Variants in IFFO2 observed in about 807,000 individuals in gnomAD.
IFFO2 encodes the protein intermediate filament family orphan 2.
In IFFO2, 19 loss-of-function variants were observed where a neutral mutation model predicts 53.5. The ratio of observed to expected loss-of-function variants is 0.36; its 90% CI spans 0.25 to 0.52. The LOEUF is 0.52. Ranked by LOEUF, IFFO2 falls within the 20% of genes least tolerant of loss-of-function variation. IFFO2 has a pLI of 0.94. For synonymous variants in IFFO2, 303 were observed against 313.6 expected (o/e 0.97, Z 0.36); for missense variants, 570 against 727.4 (o/e 0.78, Z 2.49).
At chr1:18,938,440 G>A (rs1020996408) in intron 1 of IFFO2, among the ~76,000 whole-genome samples, 1 of 152,186 alleles carries the variant, frequency 6.6e-6, no homozygotes, top group Non-Finnish European at 1.5e-5. Flanking sequence ...TCTGTCTCTG[G>A]GTTCCCTCTC....
chr1:18,914,169 T>C (rs1936096601), intron 5 of IFFO2, among the ~76,000 whole-genome samples: 2 of 152,212 alleles, frequency 1.3e-5, no homozygotes, highest in South Asian at 4.1e-4. Context: ...ACCAGCTAAA[T>C]CGAATTCCAT....
At position 18,917,131 on chromosome 1, in the gene IFFO2, C is replaced by T; in HGVS notation, c.964-89G>A. The T allele has an allele frequency of 1.4e-6, 2 of 1,423,716 alleles. No individual in the cohort carries two copies. Among genetic ancestry groups the T allele is most frequent in the Non-Finnish European group, 9.5e-7 (1 of 1,049,896 alleles). 88.2% of individuals were successfully genotyped at this position (1,423,716 alleles called of 1,614,324 possible). A position where few individuals can be genotyped will look rare whatever the true frequency, so the allele number is the denominator to read the frequency against. Reference sequence around the variant, plus strand: ...AACTGGGAAGGGAGCCGGCATCTCACAGGATGATGAGCGTGACTGGGGCCG... The same window carrying T: ...AACTGGGAAGGGAGCCGGCATCTCATAGGATGATGAGCGTGACTGGGGCCG... On this transcript the variant is annotated intron_variant, in intron 4 of 8. Transcript: ENST00000455833. The surrounding 1 kb of genome is among the most constrained non-coding windows in gnomAD (Gnocchi z 5.9).
chr1:18,913,823 GTT>G (rs10708996), intron 5 of IFFO2, among the ~76,000 whole-genome samples: 1 of 151,026 alleles, frequency 6.6e-6, no homozygotes, highest in African/African-American at 2.5e-5. Context: ...TGTTGTTGTT[GTT>G]TTTTTGTTTG....
rs1021310325 is a variant in IFFO2, at chr1:18,947,384, C to T, written c.665+8284G>A. 1.6e-4 allele frequency among the ~76,000 whole-genome samples: 25 copies of T among 152,294 alleles called. No individual in the cohort carries two copies. Among genetic ancestry groups the T allele is most frequent in the African/African-American group, 5.8e-4 (24 of 41,560 alleles). ...AGATAAATGGAGCATTAATTGAGAG[C>T]CTGAGATCCACAGCCTGCCCCAGCT... is the stretch of plus-strand genomic sequence containing the variant. On this transcript the variant is annotated intron_variant, in intron 1 of 8. Transcript: ENST00000455833. This position sits in a 1 kb window ranked among gnomAD's most constrained non-coding sequence, Gnocchi z 5.0.
At chr1:18,910,833 C>CA (rs1936024658) in intron 7 of IFFO2, among the ~76,000 whole-genome samples, 2 of 152,258 alleles carry the variant, frequency 1.3e-5, no homozygotes, top group African/African-American at 4.8e-5. Context: ...TGTCCTCTAT[C>CA]AAGTGATACT....
intron 1 of IFFO2, among the ~76,000 whole-genome samples, chr1:18,941,172 T>C (rs1333192688): frequency 6.6e-6 from 1 of 152,202 alleles, no homozygotes; most frequent in African/African-American, 2.4e-5. Context: ...AGAGAACACA[T>C]GTGTGCGGCT....
At position 18,921,109 on chromosome 1, in the gene IFFO2, C is replaced by T. The variant is rs919245001; in HGVS notation, c.678G>A (p.Glu226=). Residue 226 remains glutamate, a synonymous_variant, in exon 2 of 9, where the codon GAG becomes GAA. Transcript: ENST00000455833. ...RDEYKRRWEE[E]LAKRMNLQTM... ...TCTGAAGGTTCATGCGCTTGGCGAG[C>T]TCCTCCTCCCACCTGCAAAAGCCAA... 9.0e-6 allele frequency: 14 copies of T among 1,551,802 alleles called. No homozygotes were observed. Among genetic ancestry groups the T allele is most frequent in the Non-Finnish European group, 1.1e-5 (13 of 1,147,032 alleles).
At chr1:18,920,139 G>C (rs1030432991) in intron 2 of IFFO2, among the ~76,000 whole-genome samples, 2 of 152,184 alleles carry the variant, frequency 1.3e-5, no homozygotes, top group African/African-American at 2.4e-5. Flanking sequence ...CCTAACATGC[G>C]TCTGAAGAGC....
chr1:18,914,717 G>A (rs568690611), intron 5 of IFFO2, among the ~76,000 whole-genome samples: 217 of 151,802 alleles, frequency 1.4e-3, no homozygotes, highest in African/African-American at 4.7e-3. Context: ...CAGCTACTTC[G>A]GAGACTGAGG....
At chr1:18,941,986 G>A (rs898022399) in intron 1 of IFFO2, among the ~76,000 whole-genome samples, 3 of 152,230 alleles carry the variant, frequency 2.0e-5, no homozygotes, top group African/African-American at 4.8e-5. Flanking sequence ...CAGTCTGCTC[G>A]AGAAGAGAGG....
Position 18,928,599 on chromosome 1 carries a change from C to G in IFFO2, c.666-7478G>C, listed in dbSNP as rs578184211. 1.3e-5 allele frequency among the ~76,000 whole-genome samples: 2 copies of G among 152,288 alleles called. No homozygotes were observed. The highest frequency in any genetic ancestry group is 4.1e-4 in the South Asian group (2 of 4,822). On this transcript the variant is annotated intron_variant, in intron 1 of 8. Coordinates refer to ENST00000455833, the MANE Select transcript of IFFO2 (RefSeq NM_001136265.2). The surrounding 1 kb of genome is among the most constrained non-coding windows in gnomAD (Gnocchi z 4.9). ...GCCTCCTCCAGGGATCCCAGCGTGC[C>G]AGGTCTGCGCAAGGCTGCTCAGGGG...
chr1:18,915,094 G>A (rs574659253), intron 5 of IFFO2, among the ~76,000 whole-genome samples: 67 of 152,286 alleles, frequency 4.4e-4, no homozygotes, highest in African/African-American at 1.6e-3. Context: ...ACAGAAGAGA[G>A]AATTCTCTTC....
chr1:18,945,413 G>A (rs776810534), intron 1 of IFFO2, among the ~76,000 whole-genome samples: 2 of 152,246 alleles, frequency 1.3e-5, no homozygotes, highest in Non-Finnish European at 2.9e-5. Context: ...AGAGGAGCCT[G>A]TCTGCTGGGG....
At chr1:18,920,984 C>T in intron 2 of IFFO2, 77 bp downstream of exon 2, 1 of 1,310,862 alleles carries the variant, frequency 7.6e-7, no homozygotes, top group Non-Finnish European at 1.1e-6. Context: ...CCTGGCTTTG[C>T]CGCATGAAGA....
intron 7 of IFFO2, among the ~76,000 whole-genome samples, 194 bp from the exon 8 acceptor site, chr1:18,910,666 G>C (rs1936022935): frequency 6.6e-6 from 1 of 152,162 alleles, no homozygotes; most frequent in African/African-American, 2.4e-5. Flanking sequence ...ACTTCCCCTA[G>C]AACTCCTTCT....
At position 18,919,810 on chromosome 1, in the gene IFFO2, G is replaced by A. The variant is rs757879774; in HGVS notation, c.727-37C>T. ...GAGATGGGGAGGCTTCAGAGGGGCC[G>A]GGTCCTCTGGGGATAGGAGGGTCTG... is the stretch of plus-strand genomic sequence containing the variant. On this transcript the variant is annotated intron_variant, in intron 2 of 8. Transcript: ENST00000455833. The surrounding 1 kb of genome is among the most constrained non-coding windows in gnomAD (Gnocchi z 4.9). The A allele has an allele frequency of 1.5e-5, 21 of 1,413,900 alleles. 1 individual carries two copies. The South Asian group carries it at 1.6e-4, about 11-fold the overall frequency. 87.6% of individuals were successfully genotyped at this position (1,413,900 alleles called of 1,614,324 possible).
Position 18,918,597 on chromosome 1 carries a change from G to A in IFFO2, c.823-95C>T, listed in dbSNP as rs1049778626. On this transcript the variant is annotated intron_variant, in intron 3 of 8. Transcript: ENST00000455833. The surrounding 1 kb of genome is among the most constrained non-coding windows in gnomAD (Gnocchi z 5.2). ...GGGGAGACCCCTAGGTGTCAGCAGGGGTGGTGCGGGGAGGCCTCCAGAGTC... is the reference window on the plus strand; with the variant it reads ...GGGGAGACCCCTAGGTGTCAGCAGGAGTGGTGCGGGGAGGCCTCCAGAGTC... 3.2e-5 allele frequency: 43 copies of A among 1,355,154 alleles called. No individual in the cohort carries two copies. The African/African-American group carries it at 5.7e-4, about 18-fold the overall frequency. The allele number at this position is 1,355,154 out of a possible 1,614,324, so 83.9% of individuals were successfully genotyped here.
intron 1 of IFFO2, among the ~76,000 whole-genome samples, chr1:18,921,889 T>C (rs946140236): frequency 6.6e-6 from 1 of 152,042 alleles, no homozygotes; most frequent in Non-Finnish European, 1.5e-5. Flanking sequence ...GAGGGTTCAG[T>C]GGACCCCCGC....
chr1:18,917,842 G>T lies in IFFO2; in HGVS notation c.963+520C>A, dbSNP rs1936158269. Reference sequence around the variant, plus strand: ...GCACCCACACTTGCACGTTAGGTCGGGGGGGTATCGAGAGCCTCTTTGGGG... The same window carrying T: ...GCACCCACACTTGCACGTTAGGTCGTGGGGGTATCGAGAGCCTCTTTGGGG... On this transcript the variant is annotated intron_variant, in intron 4 of 8. Coordinates refer to ENST00000455833, the MANE Select transcript of IFFO2 (RefSeq NM_001136265.2). This position sits in a 1 kb window ranked among gnomAD's most constrained non-coding sequence, Gnocchi z 5.9. 6.6e-6 allele frequency among the ~76,000 whole-genome samples: 1 copy of T among 152,178 alleles called. No homozygotes were observed. The highest frequency in any genetic ancestry group is 2.4e-5 in the African/African-American group (1 of 41,446).
Sources: allele counts gnomAD v4.1 joint callset (sites outside exome capture counted in the v4.1 genomes callset), GRCh38; gene constraint gnomAD v4.1.1; non-coding constraint Gnocchi (gnomAD v3.1); transcripts MANE v1.5; gene names NCBI Gene and HGNC (gene_info 2026-07-23, HGNC 2026-07-21).